Variants in RIMS2 observed in about 807,000 individuals in gnomAD.
The protein encoded by RIMS2 is regulating synaptic membrane exocytosis protein 2.
A neutral mutation model predicts 174.4 loss-of-function variants in RIMS2; 59 were observed. That is an observed-to-expected ratio of 0.34 (90% CI 0.27 to 0.42). The LOEUF (loss-of-function observed/expected upper bound fraction) is 0.42. Among genes scored for constraint, RIMS2 ranks in the 10% least tolerant of loss-of-function variants. RIMS2 has a pLI of 1.00. For missense variants in RIMS2, 1,620 were observed against 1,666.3 expected, an observed-to-expected ratio of 0.97 and a Z score of 0.48; for synonymous variants, 606 against 572.5, an observed-to-expected ratio of 1.06 and a Z score of -0.84.
rs575606003 is a variant in RIMS2 at position 103,946,595 on chromosome 8, T to G, written c.2701+3669T>G. The stretch of plus-strand genomic sequence containing the variant: ...CGTACAATAAAAAATCACAAAACAT[T>G]GTTCAGAGAAATGAAAAAGAGATAT... On this transcript the variant is annotated intron_variant, in intron 14 of 23. Transcript: ENST00000504942. Among the ~76,000 whole-genome samples, 129 of 152,276 alleles carry G rather than the reference T, an allele frequency of 8.5e-4. 1 individual carries two copies. Among genetic ancestry groups the G allele is most frequent in the Non-Finnish European group, 1.5e-3 (99 of 68,024 alleles).
At chr8:103,599,741 T>C (rs1447170006) in intron 1 of RIMS2, among the ~76,000 whole-genome samples, 1 of 152,056 alleles carries the variant, frequency 6.6e-6, no homozygotes, top group Non-Finnish European at 1.5e-5. Context: ...TGAGCCACTG[T>C]ACCTGGTCAT....
chr8:104,061,866 A>G (rs2096999096), intron 19 of RIMS2, among the ~76,000 whole-genome samples: 1 of 151,990 alleles, frequency 6.6e-6, no homozygotes, highest in Non-Finnish European at 1.5e-5. Context: ...TTATCAAACA[A>G]TGGTATGATT....
intron 19 of RIMS2, among the ~76,000 whole-genome samples, chr8:104,184,765 A>G (rs2098959361): frequency 6.6e-6 from 1 of 151,612 alleles, no homozygotes; most frequent in African/African-American, 2.4e-5. Context: ...TCCTTAGTAA[A>G]TCAAAGATTT....
intron 3 of RIMS2, among the ~76,000 whole-genome samples, chr8:103,809,142 A>T (rs2098670040): frequency 6.6e-6 from 1 of 152,068 alleles, no homozygotes; most frequent in Admixed American, 6.6e-5. Context: ...TTATGCCATA[A>T]TCAGTGTCAT....
chr8:104,224,131 CG>C (rs1299528263), intron 19 of RIMS2, among the ~76,000 whole-genome samples: 3 of 152,220 alleles, frequency 2.0e-5, no homozygotes, highest in African/African-American at 7.2e-5. Context: ...CTTCGCAGTC[CG>C]GGTATTAGCA....
intron 1 of RIMS2, among the ~76,000 whole-genome samples, chr8:103,516,968 TG>T (rs913611707): frequency 7.2e-5 from 11 of 152,180 alleles, no homozygotes; most frequent in Non-Finnish European, 1.3e-4. Context: ...AGATAATGAT[TG>T]TTTTTGATTT....
At chr8:103,609,840 T>C (rs375391694) in intron 1 of RIMS2, among the ~76,000 whole-genome samples, 2 of 152,350 alleles carry the variant, frequency 1.3e-5, no homozygotes, top group East Asian at 3.9e-4. Context: ...TATGAATTTT[T>C]AAATAGTTTT....
At chr8:103,595,476 T>C (rs866206246) in intron 1 of RIMS2, among the ~76,000 whole-genome samples, 41 of 151,788 alleles carry the variant, frequency 2.7e-4, no homozygotes, top group African/African-American at 9.4e-4. Flanking sequence ...GGCCCTGATA[T>C]CTGAACTTGG....
At chr8:103,590,302 G>A (rs75445248) in intron 1 of RIMS2, among the ~76,000 whole-genome samples, 1 of 151,350 alleles carries the variant, frequency 6.6e-6, no homozygotes, top group Non-Finnish European at 1.5e-5. Context: ...AACAAATTCA[G>A]TAAAGCTTCA....
chr8:103,842,798 T>G (rs930728565), intron 3 of RIMS2, among the ~76,000 whole-genome samples: 2 of 152,230 alleles, frequency 1.3e-5, no homozygotes, highest in Non-Finnish European at 2.9e-5. Context: ...CACAACAAAG[T>G]GTACCATAAA....
intron 18 of RIMS2, 21 bp from the exon 21 acceptor site, chr8:104,014,485 A>AT: frequency 7.5e-7 from 1 of 1,327,138 alleles, no homozygotes; most frequent in Middle Eastern, 1.8e-4. Context: ...CTGAAAATGA[A>AT]TATTAATGGT....
intron 3 of RIMS2, among the ~76,000 whole-genome samples, chr8:103,829,043 G>T (rs1255528885): frequency 2.0e-5 from 3 of 149,576 alleles, no homozygotes; most frequent in Non-Finnish European, 4.4e-5. Context: ...GATTGCTTTG[G>T]CTATTTGGGC....
At chr8:103,769,567 C>T (rs2098224912) in intron 3 of RIMS2, among the ~76,000 whole-genome samples, 1 of 152,164 alleles carries the variant, frequency 6.6e-6, no homozygotes, top group Non-Finnish European at 1.5e-5. Flanking sequence ...CTGAGATGAT[C>T]CACCCACCTC....
At chr8:104,239,072 T>G (rs115551210) in intron 19 of RIMS2, among the ~76,000 whole-genome samples, 4 of 152,142 alleles carry the variant, frequency 2.6e-5, no homozygotes, top group Non-Finnish European at 4.4e-5. Context: ...GTTATGTGAA[T>G]CCAAGATTTG....
At chr8:103,711,570 T>C (rs2097303985) in intron 2 of RIMS2, among the ~76,000 whole-genome samples, 1 of 152,150 alleles carries the variant, frequency 6.6e-6, no homozygotes, top group Non-Finnish European at 1.5e-5. Context: ...ATATTCCGTG[T>C]ATAAGCTAAA....
intron 1 of RIMS2, among the ~76,000 whole-genome samples, chr8:103,611,533 A>AT (rs71575975): frequency 0.14 from 20,393 of 146,038 alleles, 1,864 homozygotes; most frequent in African/African-American, 0.27. Context: ...GTTGGGAGGA[A>AT]TTTTTTTTTT....
intron 4 of RIMS2, among the ~76,000 whole-genome samples, chr8:103,908,701 C>G (rs952963831): frequency 9.9e-5 from 15 of 152,108 alleles, no homozygotes; most frequent in Non-Finnish European, 1.9e-4. Context: ...TCTTTTCTTA[C>G]CATGTCTATT....
chr8:103,779,378 G>C (rs1218049671), intron 3 of RIMS2, among the ~76,000 whole-genome samples: 1 of 151,758 alleles, frequency 6.6e-6, no homozygotes, highest in Non-Finnish European at 1.5e-5. Context: ...CACAGTTTTG[G>C]GTCTTCAATA....
rs79186496 is a variant in RIMS2 at position 104,213,457 on chromosome 8, A to G, written c.3335-31459A>G. ...TGTGATTATTTGTTAACATCTGTCT[A>G]CTCATTACATTGTCAACTTTATGAG... On this transcript the variant is annotated intron_variant, in intron 19 of 23. Coordinates refer to ENST00000504942, the Ensembl canonical transcript of RIMS2. Among the ~76,000 whole-genome samples the G allele has an allele frequency of 1.4e-4, 21 of 152,220 alleles. No homozygotes were observed. The East Asian group carries it at 2.5e-3, about 18-fold the overall frequency.
Sources: allele counts gnomAD v4.1 joint callset (sites outside exome capture counted in the v4.1 genomes callset), GRCh38; gene constraint gnomAD v4.1.1; transcripts MANE v1.5; gene names NCBI Gene and HGNC (gene_info 2026-07-23, HGNC 2026-07-21).